Variants in SRD5A2 observed in about 807,000 individuals in gnomAD.
SRD5A2 encodes the protein 3-oxo-5-alpha-steroid 4-dehydrogenase 2.
SRD5A2 carries 30 observed loss-of-function variants against 27.4 expected under a neutral mutation model. That is an observed-to-expected ratio of 1.10 (90% CI 0.82 to 1.49). The LOEUF is 1.49. Ranked by LOEUF, SRD5A2 falls within the 40% of genes most tolerant of loss-of-function variation. The pLI, the probability that SRD5A2 is intolerant of heterozygous loss-of-function variation, is 0.00. For missense variants in SRD5A2, 348 were observed against 323.4 expected, an observed-to-expected ratio of 1.08 and a Z score of -0.58; for synonymous variants, 141 against 133.6, an observed-to-expected ratio of 1.06 and a Z score of -0.38.
At position 31,560,562 on chromosome 2, in the gene SRD5A2, A is replaced by T. The variant is rs1219562590; in HGVS notation, c.281+20058T>A. 3.9e-5 allele frequency among the ~76,000 whole-genome samples: 6 copies of T among 152,188 alleles called. No individual in the cohort carries two copies. The East Asian group carries it at 1.2e-3, about 29-fold the overall frequency. The stretch of plus-strand genomic sequence containing the variant: ...ACTTGTTCAATGCTTTGCCCAATAT[A>T]GGCCCCTGAAAAACCTGCATCAGCA... On this transcript the variant is annotated intron_variant, in intron 1 of 4. Transcript: ENST00000622030.
upstream of SRD5A2, among the ~76,000 whole-genome samples, chr2:31,585,179 G>A (rs1310541554): frequency 4.6e-5 from 7 of 152,160 alleles, no homozygotes; most frequent in East Asian, 1.2e-3. Flanking sequence ...CACCACTGAG[G>A]GCTGAAGTGC....
At chr2:31,568,955 G>A (rs889815971) in intron 1 of SRD5A2, among the ~76,000 whole-genome samples, 8 of 152,256 alleles carry the variant, frequency 5.3e-5, no homozygotes, top group Non-Finnish European at 1.2e-4. Context: ...CAGGTGCCTA[G>A]AGTGGGAAGA....
At position 31,522,871 on chromosome 2, in the gene SRD5A2, A is replaced by C. The variant is rs1331164026; in HGVS notation, c.*3325T>G. On this transcript the variant is annotated 3_prime_UTR_variant, in exon 5 of 5. Coordinates refer to ENST00000622030, the MANE Select transcript of SRD5A2 (RefSeq NM_000348.4). ...GCGGGAAAAGAAATGAATCTTCATGAGCCTATTCCTTCATGTGCCAAGAGC... is the reference window on the plus strand; with the variant it reads ...GCGGGAAAAGAAATGAATCTTCATGCGCCTATTCCTTCATGTGCCAAGAGC... 4.5e-6 allele frequency: 1 copy of C among 223,524 alleles called. No individual in the cohort carries two copies. Among genetic ancestry groups the C allele is most frequent in the Non-Finnish European group, 8.9e-6 (1 of 112,054 alleles). 13.8% of individuals were successfully genotyped at this position (223,524 alleles called of 1,614,324 possible). A position where few individuals can be genotyped will look rare whatever the true frequency, so the allele number is the denominator to read the frequency against.
At chr2:31,552,547 A>G (rs1332780855) in intron 1 of SRD5A2, among the ~76,000 whole-genome samples, 1 of 152,094 alleles carries the variant, frequency 6.6e-6, no homozygotes, top group Non-Finnish European at 1.5e-5. Context: ...GATTGGGAGA[A>G]ATTGCAGAAC....
At chr2:31,633,971 T>C in the SRD5A2 span, among the ~76,000 whole-genome samples, 3 of 152,290 alleles carry the variant, frequency 2.0e-5, no homozygotes, top group African/African-American at 7.2e-5. Context: ...AAATGCTAAT[T>C]AGGCAAAAAC....
intron 1 of SRD5A2, among the ~76,000 whole-genome samples, chr2:31,574,702 T>G (rs1203945055): frequency 6.6e-6 from 1 of 152,222 alleles, no homozygotes; most frequent in African/African-American, 2.4e-5. Context: ...CCCACTTACA[T>G]GTAGCAGAAA....
the SRD5A2 span, among the ~76,000 whole-genome samples, chr2:31,641,992 T>C: frequency 6.6e-6 from 1 of 152,008 alleles, no homozygotes; most frequent in African/African-American, 2.4e-5. Context: ...ACAAGCTGAT[T>C]CCGAGACATA....
chr2:31,638,439 G>A, the SRD5A2 span, among the ~76,000 whole-genome samples: 10 of 151,960 alleles, frequency 6.6e-5, no homozygotes, highest in Admixed American at 6.6e-4. Context: ...ATATTAGTTA[G>A]GTTTACTAGG....
chr2:31,559,038 T>C lies in SRD5A2; in HGVS notation c.281+21582A>G, dbSNP rs149266679. Among the ~76,000 whole-genome samples the C allele has an allele frequency of 5.5e-3, 844 of 152,334 alleles. 7 individuals are homozygous for C. Among genetic ancestry groups the C allele is most frequent in the South Asian group, 0.017 (84 of 4,830 alleles). On this transcript the variant is annotated intron_variant, in intron 1 of 4. Transcript: ENST00000622030. ...TCAACCCAGTACACAGCTCCAGTTC[T>C]ACCTCTGAACTTGTTTATATGGCTG...
In SRD5A2 at chr2:31,574,838, C is replaced by G. The variant is rs141057049; in HGVS notation, c.281+5782G>C. On this transcript the variant is annotated intron_variant, in intron 1 of 4. Transcript: ENST00000622030. ...TTTAGAAGGGATTGGTAAACTATGG[C>G]CCATAGGCCAAATATGGCCCACTGC... Among the ~76,000 whole-genome samples, 1,492 of 152,302 alleles carry G rather than the reference C, an allele frequency of 9.8e-3. 22 individuals carry two copies. Among genetic ancestry groups the G allele is most frequent in the South Asian group, 0.044 (211 of 4,828 alleles).
chr2:31,526,509 T>C (rs1665784494), intron 4 of SRD5A2, among the ~76,000 whole-genome samples: 3 of 152,202 alleles, frequency 2.0e-5, no homozygotes, highest in Admixed American at 2.0e-4. Context: ...ATATTATGAA[T>C]GTACCTAATG....
At chr2:31,540,812 G>A (rs908024952) in intron 1 of SRD5A2, among the ~76,000 whole-genome samples, 12 of 152,220 alleles carry the variant, frequency 7.9e-5, no homozygotes, top group African/African-American at 2.9e-4. Flanking sequence ...TCCTGCAGCA[G>A]CTTGTTGCAC....
chr2:31,633,500 C>G, the SRD5A2 span, among the ~76,000 whole-genome samples: 561 of 152,266 alleles, frequency 3.7e-3, 4 homozygotes, highest in African/African-American at 0.013. Context: ...CTTCCAGAAT[C>G]AAAGCTGTGA....
intron 1 of SRD5A2, among the ~76,000 whole-genome samples, chr2:31,553,052 A>T (rs1161893392): frequency 6.6e-6 from 1 of 152,208 alleles, no homozygotes; most frequent in Non-Finnish European, 1.5e-5. Flanking sequence ...TACCTGAAAA[A>T]TGAGATTCTC....
At chr2:31,650,737 C>T in the SRD5A2 span, among the ~76,000 whole-genome samples, 151 of 152,266 alleles carry the variant, frequency 9.9e-4, no homozygotes, top group African/African-American at 3.3e-3. Flanking sequence ...CACTCCAAAA[C>T]AAGATGGAAG....
the SRD5A2 span, among the ~76,000 whole-genome samples, chr2:31,662,932 C>G: frequency 6.6e-6 from 1 of 152,200 alleles, no homozygotes; most frequent in South Asian, 2.1e-4. Context: ...GCTCCATACC[C>G]CAGCTATTAA....
chr2:31,618,803 A>AT, the SRD5A2 span, among the ~76,000 whole-genome samples: 3 of 152,154 alleles, frequency 2.0e-5, no homozygotes, highest in African/African-American at 7.2e-5. Context: ...TGTGTGGTAT[A>AT]TTTCAAAATT....
chr2:31,615,187 G>T, the SRD5A2 span, among the ~76,000 whole-genome samples: 1 of 152,186 alleles, frequency 6.6e-6, no homozygotes, highest in Non-Finnish European at 1.5e-5. Flanking sequence ...ATTGGTAATG[G>T]TAGAGTGGGG....
chr2:31,591,170 T>G, the SRD5A2 span, among the ~76,000 whole-genome samples: 3 of 152,168 alleles, frequency 2.0e-5, no homozygotes, highest in Non-Finnish European at 4.4e-5. Flanking sequence ...TGGGAGAACA[T>G]TTTTGCAATC....
Sources: gnomAD v4.1 joint callset for allele counts (sites outside exome capture counted in the v4.1 genomes callset) on GRCh38, gnomAD v4.1.1 for gene constraint, MANE v1.5 for transcripts, NCBI Gene and HGNC (gene_info 2026-07-23, HGNC 2026-07-21) for gene names.